Variants in ARHGEF9 observed in about 807,000 individuals in gnomAD.
ARHGEF9 encodes the protein Cdc42 guanine nucleotide exchange factor 9.
Under a neutral mutation model 41.3 loss-of-function variants are expected in ARHGEF9, and 2 were observed. The ratio of observed to expected loss-of-function variants is 0.05; its 90% CI spans 0.02 to 0.15. The LOEUF (loss-of-function observed/expected upper bound fraction) is 0.15, where lower values mean the gene tolerates loss of function less well. Ranked by LOEUF, ARHGEF9 falls within the 10% of genes least tolerant of loss-of-function variation. The pLI is 1.00. For missense variants in ARHGEF9, 225 were observed against 424.7 expected (o/e 0.53, Z 4.13); for synonymous variants, 160 against 154.4 (o/e 1.04, Z -0.27).
chrX:63,667,150 T>A (rs1309600410), intron 6 of ARHGEF9, among the ~76,000 whole-genome samples: 4 of 111,980 alleles, frequency 3.6e-5, no homozygotes, highest in African/African-American at 1.3e-4. Context: ...TGAGCACCTA[T>A]ATGAGTCAGA....
At chrX:63,678,318 C>A in intron 5 of ARHGEF9, 22 bp downstream of exon 5, 1 of 1,154,463 alleles carries the variant, frequency 8.7e-7, no homozygotes, top group South Asian at 1.9e-5. Flanking sequence ...CTCATTCACT[C>A]CTGACTCCCT....
At chrX:63,703,996 C>A (rs781950879) in intron 3 of ARHGEF9, among the ~76,000 whole-genome samples, 1 of 111,165 alleles carries the variant, frequency 9.0e-6, no homozygotes, top group East Asian at 2.8e-4. Flanking sequence ...GGAGTAGTAA[C>A]GAAAGCATAG....
intron 1 of ARHGEF9, among the ~76,000 whole-genome samples, chrX:63,761,174 C>T (rs1556449465): frequency 9.0e-6 from 1 of 111,583 alleles, no homozygotes; most frequent in African/African-American, 3.3e-5. Flanking sequence ...AGATTTAAAA[C>T]TACCAATGCT....
intron 1 of ARHGEF9, among the ~76,000 whole-genome samples, chrX:63,774,559 T>C (rs1422279725): frequency 9.0e-6 from 1 of 111,610 alleles, no homozygotes; most frequent in Non-Finnish European, 1.9e-5. Flanking sequence ...AGAACACTAA[T>C]GTGCTATTTC....
At chrX:63,671,707 A>G in intron 6 of ARHGEF9, among the ~76,000 whole-genome samples, 1 of 112,336 alleles carries the variant, frequency 8.9e-6, no homozygotes, top group Non-Finnish European at 1.9e-5. Flanking sequence ...GTGTGAGAGT[A>G]TGTGTACATG....
At chrX:63,647,330 C>T (rs2048178832) in intron 8 of ARHGEF9, among the ~76,000 whole-genome samples, 1 of 111,790 alleles carries the variant, frequency 8.9e-6, no homozygotes, top group South Asian at 3.7e-4. Flanking sequence ...GGAATGCTTC[C>T]AGTTTTTGCC....
rs2054669121 is a variant in ARHGEF9 at position 63,737,302 on chromosome X, T to C, written c.31-12591A>G. Reference sequence around the variant, plus strand: ...CTCTAGGTGTAGCTTGATTCTGGACTTGCTGTATGAACTTGGGCAGATCCA... The same window carrying C: ...CTCTAGGTGTAGCTTGATTCTGGACCTGCTGTATGAACTTGGGCAGATCCA... On this transcript the variant is annotated intron_variant, in intron 1 of 9. Coordinates refer to ENST00000671741, the MANE Select transcript of ARHGEF9 (RefSeq NM_001353921.2). 3.6e-5 allele frequency among the ~76,000 whole-genome samples: 4 copies of C among 112,491 alleles called. No homozygotes were observed. In the Admixed American group the frequency reaches 3.8e-4, roughly 11 times the overall value.
chrX:63,706,194 G>A (rs2052533590), intron 3 of ARHGEF9, 64 bp downstream of exon 3: 1 of 1,118,463 alleles, frequency 8.9e-7, no homozygotes, highest in African/African-American at 1.8e-5. Context: ...GACTGTCACA[G>A]GCAGGGCCCA....
At chrX:63,669,558 T>G (rs1556352836) in intron 6 of ARHGEF9, among the ~76,000 whole-genome samples, 3 of 111,487 alleles carry the variant, frequency 2.7e-5, no homozygotes, top group South Asian at 7.8e-4. Flanking sequence ...TCCCACTCTC[T>G]CACTCACTTA....
chrX:63,692,549 A>G (rs2051422823), intron 4 of ARHGEF9, among the ~76,000 whole-genome samples: 1 of 112,138 alleles, frequency 8.9e-6, no homozygotes, highest in Non-Finnish European at 1.9e-5. Flanking sequence ...TATCAAAAAG[A>G]CAAAAAATAA....
At chrX:63,726,334 T>A (rs1556417014) in intron 1 of ARHGEF9, among the ~76,000 whole-genome samples, 1 of 112,268 alleles carries the variant, frequency 8.9e-6, no homozygotes, top group Non-Finnish European at 1.9e-5. Flanking sequence ...ATTCATTCAT[T>A]CATTCATTCA....
At chrX:63,695,068 TATC>T (rs1357065777) in intron 4 of ARHGEF9, among the ~76,000 whole-genome samples, 1 of 112,289 alleles carries the variant, frequency 8.9e-6, no homozygotes, top group Non-Finnish European at 1.9e-5. Flanking sequence ...AAAAGTATGT[TATC>T]ATTTCAAAAC....
chrX:63,681,046 C>T (rs2050593076), intron 4 of ARHGEF9, among the ~76,000 whole-genome samples: 1 of 111,418 alleles, frequency 9.0e-6, no homozygotes, highest in African/African-American at 3.3e-5. Context: ...TCCACCAGAG[C>T]TTTCCCTCCC....
chrX:63,685,917 CATAAA>C (rs782542274), intron 4 of ARHGEF9, among the ~76,000 whole-genome samples: 4 of 111,232 alleles, frequency 3.6e-5, no homozygotes, highest in South Asian at 7.5e-4. Flanking sequence ...AAGTATGACC[CATAAA>C]ATAAAATAAA....
At chrX:63,682,285 T>C (rs1300646823) in intron 4 of ARHGEF9, among the ~76,000 whole-genome samples, 1 of 110,481 alleles carries the variant, frequency 9.1e-6, no homozygotes, top group Non-Finnish European at 1.9e-5. Context: ...GAGGCCGAGG[T>C]GGGCAGATCA....
At chrX:63,686,484 G>A (rs1459819803) in intron 4 of ARHGEF9, among the ~76,000 whole-genome samples, 1 of 110,830 alleles carries the variant, frequency 9.0e-6, no homozygotes, top group African/African-American at 3.3e-5. Flanking sequence ...AAAATGCATT[G>A]TACCCTAAAA....
intron 6 of ARHGEF9, among the ~76,000 whole-genome samples, chrX:63,667,862 C>T (rs781792739): frequency 9.0e-6 from 1 of 110,843 alleles, no homozygotes; most frequent in South Asian, 3.9e-4. Context: ...AAGAAAGCCA[C>T]CAGGTTAGGG....
chrX:63,770,976 C>T (rs2056195363), intron 1 of ARHGEF9, among the ~76,000 whole-genome samples: 1 of 112,486 alleles, frequency 8.9e-6, no homozygotes, highest in African/African-American at 3.2e-5. Context: ...CAAACTAATA[C>T]AGTACATTTC....
At chrX:63,644,613 T>C (rs2047873012) in intron 8 of ARHGEF9, among the ~76,000 whole-genome samples, 1 of 110,172 alleles carries the variant, frequency 9.1e-6, no homozygotes, top group Non-Finnish European at 1.9e-5. Flanking sequence ...ACATATTGAC[T>C]AGTATAATTC....
Sources: gnomAD v4.1 joint callset for allele counts (sites outside exome capture counted in the v4.1 genomes callset) on GRCh38, gnomAD v4.1.1 for gene constraint, MANE v1.5 for transcripts, NCBI Gene and HGNC (gene_info 2026-07-23, HGNC 2026-07-21) for gene names.